Variants in U2SURP observed in about 807,000 individuals in gnomAD.
The protein encoded by U2SURP is U2 snRNP associated SURP domain containing.
In U2SURP, 9 loss-of-function variants were observed where a neutral mutation model predicts 144.9. The ratio of observed to expected loss-of-function variants is 0.06; its 90% CI spans 0.04 to 0.11. The LOEUF is 0.11. Ranked by LOEUF, U2SURP falls within the 10% of genes least tolerant of loss-of-function variation. The pLI is 1.00. For missense variants in U2SURP, 724 were observed against 1,226.7 expected, an observed-to-expected ratio of 0.59 and a Z score of 6.12; for synonymous variants, 408 against 396.8, an observed-to-expected ratio of 1.03 and a Z score of -0.33.
chr3:143,029,181 A>C (rs16852909), intron 16 of U2SURP, among the ~76,000 whole-genome samples: 19,717 of 152,236 alleles, frequency 0.13, 1,539 homozygotes, highest in East Asian at 0.33. Flanking sequence ...AAATGTTCAG[A>C]GGACATCCTG....
Position 143,043,332 on chromosome 3 carries a change from C to T in U2SURP, c.2544+56C>T, listed in dbSNP as rs1022571287. 7.9e-6 allele frequency: 12 copies of T among 1,516,182 alleles called. No homozygotes were observed. The Admixed American group carries it at 1.3e-4, about 16-fold the overall frequency. 93.9% of individuals were successfully genotyped at this position (1,516,182 alleles called of 1,614,324 possible). On this transcript the variant is annotated intron_variant, in intron 24 of 27. Transcript: ENST00000473835. Reference sequence around the variant, plus strand: ...TTTATTGGCTTTTCACTTTCTCCACCAAACTAAGTTGCCTCTTTGCATTGT... The same window carrying T: ...TTTATTGGCTTTTCACTTTCTCCACTAAACTAAGTTGCCTCTTTGCATTGT...
intron 24 of U2SURP, among the ~76,000 whole-genome samples, chr3:143,048,458 G>C (rs1934661892): frequency 6.6e-6 from 1 of 152,182 alleles, no homozygotes; most frequent in Admixed American, 6.5e-5. Context: ...GATGAACTTA[G>C]CTATTTATGT....
intron 20 of U2SURP, chr3:143,036,897 C>A: frequency 2.7e-6 from 1 of 373,156 alleles, no homozygotes; most frequent in East Asian, 4.8e-5. Context: ...TGCAAAACAA[C>A]AGCAAAAACC....
chr3:143,007,380 C>A (rs1008284678), intron 1 of U2SURP, among the ~76,000 whole-genome samples: 1 of 151,692 alleles, frequency 6.6e-6, no homozygotes, highest in Non-Finnish European at 1.5e-5. Context: ...ACCTCAGCCT[C>A]CCTAGTAGCT....
rs1935069060 is a variant in U2SURP, at chr3:143,054,975, C to G, written c.2807C>G (p.Ser936Cys). The change falls in exon 27 of 28, where the codon TCT (serine) becomes TGT (cysteine). Residue 936 changes from serine to cysteine, a missense_variant. This residue lies in a region of U2SURP where 129 missense variants were observed against 196.1 expected (regional missense o/e 0.66). Coordinates refer to ENST00000473835, the MANE Select transcript of U2SURP (RefSeq NM_001080415.2). ...CGACACAGTACATCCCCCAGCCCAT[C>G]TCGCAGTAGCAGTGGTAGACGAGTG... is the stretch of plus-strand genomic sequence containing the variant. ...KRRHSTSPSP[S>C]RSSSGRRVKS... The G allele has an allele frequency of 6.2e-7, 1 of 1,609,162 alleles. No homozygotes were observed.
In U2SURP at chr3:143,019,843, T is replaced by C. The variant is rs551482900; in HGVS notation, c.571-126T>C. The C allele has an allele frequency of 1.2e-5, 5 of 434,374 alleles. No individual in the cohort carries two copies. The South Asian group carries it at 3.0e-4, about 26-fold the overall frequency. The allele number at this position is 434,374 out of a possible 1,614,324, so 26.9% of individuals were successfully genotyped here. On this transcript the variant is annotated intron_variant, in intron 6 of 27. Coordinates refer to ENST00000473835, the MANE Select transcript of U2SURP (RefSeq NM_001080415.2). ...GGTTCAATGATAAGAAAAGCATTCT[T>C]CCTTTTTAATTTAAATAATTAGAAC...
At chr3:143,037,133 CTTCAGCAAGCA>C in intron 20 of U2SURP, 35 bp from the exon 21 acceptor site, 1 of 1,572,184 alleles carries the variant, frequency 6.4e-7, no homozygotes, top group Non-Finnish European at 8.6e-7. Flanking sequence ...AGCAATGTGA[CTTCAGCAAGCA>C]AAGGAAAATG....
intron 27 of U2SURP, among the ~76,000 whole-genome samples, chr3:143,055,882 T>G (rs1380431528): frequency 6.6e-6 from 1 of 152,210 alleles, no homozygotes; most frequent in African/African-American, 2.4e-5. Context: ...GTTGTTTGCT[T>G]CAGGATGATA....
At chr3:143,025,744 T>A (rs1178280918) in intron 13 of U2SURP, 2 of 152,202 alleles carry the variant, frequency 1.3e-5, no homozygotes, top group African/African-American at 4.8e-5. Context: ...ATGCATGATT[T>A]CCCCTTTGTA....
At chr3:143,046,871 C>T (rs1435508819) in intron 24 of U2SURP, among the ~76,000 whole-genome samples, 5 of 126,212 alleles carry the variant, frequency 4.0e-5, no homozygotes, top group African/African-American at 1.7e-4. Flanking sequence ...GGTAGAGGGG[C>T]TCCTCACTTC....
At chr3:143,018,070 A>C (rs935873690) in intron 6 of U2SURP, among the ~76,000 whole-genome samples, 1 of 152,138 alleles carries the variant, frequency 6.6e-6, no homozygotes, top group African/African-American at 2.4e-5. Flanking sequence ...AAAAGAAAAA[A>C]AATTTAAATA....
At chr3:143,026,941 A>C in intron 13 of U2SURP, 1 of 418,014 alleles carries the variant, frequency 2.4e-6, no homozygotes. Flanking sequence ...TCACCTTTCC[A>C]TCCCCTCCCA....
chr3:143,034,242 A>G (rs1422608871), intron 18 of U2SURP, among the ~76,000 whole-genome samples: 2 of 152,100 alleles, frequency 1.3e-5, no homozygotes, highest in African/African-American at 4.8e-5. Flanking sequence ...CATCTCTAGT[A>G]AAAATACAAA....
chr3:143,027,289 CAT>C lies in U2SURP; in HGVS notation c.1379+38_1379+39del, dbSNP rs1462695776. ...TTTAAAAATTGTGAAATATATGTAA[CAT>C]AAAATTTCCCATTTTAACTATTTTT... is the stretch of plus-strand genomic sequence containing the variant. On this transcript the variant is annotated intron_variant, in intron 14 of 27. Transcript: ENST00000473835. The C allele has an allele frequency of 3.3e-6, 5 of 1,520,096 alleles. No homozygotes were observed. The East Asian group carries it at 6.8e-5, about 21-fold the overall frequency. The allele number at this position is 1,520,096 out of a possible 1,614,324, so 94.2% of individuals were successfully genotyped here. A position where few individuals can be genotyped will look rare whatever the true frequency, so the allele number is the denominator to read the frequency against.
chr3:143,028,589 A>C lies in U2SURP; in HGVS notation c.1553A>C (p.Glu518Ala). The change falls in exon 16 of 28, where the codon GAG becomes GCG. Residue 518 changes from glutamate to alanine, a missense_variant. Coordinates refer to ENST00000473835, the MANE Select transcript of U2SURP (RefSeq NM_001080415.2). ...CCGTACTTGCATGGAATGTCAGAAG[A>C]GCAAGAAACAGAAGCTTTTGTAGAG... is the stretch of plus-strand genomic sequence containing the variant. ...LNPYLHGMSE[E>A]QETEAFVEEP... 1 of 1,604,170 alleles carries C rather than the reference A, an allele frequency of 6.2e-7. No individual in the cohort carries two copies. Among genetic ancestry groups the C allele is most frequent in the Non-Finnish European group, 8.5e-7 (1 of 1,177,438 alleles).
chr3:143,051,804 G>A (rs1160324481), intron 25 of U2SURP, among the ~76,000 whole-genome samples: 2 of 151,894 alleles, frequency 1.3e-5, no homozygotes, highest in East Asian at 3.9e-4. Flanking sequence ...GTACTCCTAG[G>A]CAAGTCACTG....
At chr3:143,056,146 CTG>C (rs140465500) in intron 27 of U2SURP, among the ~76,000 whole-genome samples, 164 bp from the exon 28 acceptor site, 8 of 151,372 alleles carry the variant, frequency 5.3e-5, no homozygotes, top group Non-Finnish European at 5.9e-5. Flanking sequence ...ACAAAATAAT[CTG>C]TGTGTGTGTG....
At chr3:143,034,829 C>G in intron 18 of U2SURP, 59 bp from the exon 19 acceptor site, 2 of 1,156,070 alleles carry the variant, frequency 1.7e-6, no homozygotes, top group Non-Finnish European at 2.5e-6. Context: ...GGCTGGCATG[C>G]TAAAAGGGAA....
chr3:143,035,362 TAAGAA>T (rs1933755561), intron 19 of U2SURP, among the ~76,000 whole-genome samples: 1 of 152,162 alleles, frequency 6.6e-6, no homozygotes, highest in African/African-American at 2.4e-5. Flanking sequence ...AGACCAGTGT[TAAGAA>T]AAGCCAAGTG....
Sources: allele counts gnomAD v4.1 joint callset (sites outside exome capture counted in the v4.1 genomes callset), GRCh38; gene constraint gnomAD v4.1.1; regional missense constraint gnomAD v4.1.1; transcripts MANE v1.5; gene names NCBI Gene and HGNC (gene_info 2026-07-23, HGNC 2026-07-21).